TULP4: variants seen among roughly 807,000 people sequenced by gnomAD.
The protein encoded by TULP4 is tubby-related protein 4.
In TULP4, 16 loss-of-function variants were observed where a neutral mutation model predicts 129.0. That is an observed-to-expected ratio of 0.12 (90% CI 0.08 to 0.19). The LOEUF is 0.19. Ranked by LOEUF, TULP4 falls within the 10% of genes least tolerant of loss-of-function variation. The pLI is 1.00. For synonymous variants in TULP4, 998 were observed against 854.0 expected, an observed-to-expected ratio of 1.17 and a Z score of -2.94; for missense variants, 1,842 against 2,059.1, an observed-to-expected ratio of 0.89 and a Z score of 2.04.
chr6:158,343,266 G>A (rs1052367937), intron 1 of TULP4, among the ~76,000 whole-genome samples: 7 of 152,160 alleles, frequency 4.6e-5, no homozygotes, highest in Admixed American at 3.9e-4. Context: ...GGTTGAAACT[G>A]TGTCCAAAAT....
chr6:158,295,759 C>T (rs757971622), intron 1 of TULP4, among the ~76,000 whole-genome samples: 15 of 152,276 alleles, frequency 9.9e-5, no homozygotes, highest in South Asian at 2.1e-4. Context: ...GGCCTGGTGG[C>T]GGATGCCTGT....
intron 1 of TULP4, among the ~76,000 whole-genome samples, chr6:158,235,902 T>C (rs1777684921): frequency 6.6e-6 from 1 of 152,198 alleles, no homozygotes; most frequent in South Asian, 2.1e-4. Context: ...TCGTTATTGT[T>C]TAATGCATAG....
chr6:158,361,407 CA>C (rs1780786025), intron 1 of TULP4, among the ~76,000 whole-genome samples: 1 of 152,200 alleles, frequency 6.6e-6, no homozygotes. Context: ...TTAAAAATAG[CA>C]ATGTGTTGTC....
rs1287063594 is a variant in TULP4 at position 158,416,117 on chromosome 6, ACT to A, written c.381+2927_381+2928del. 5.9e-5 allele frequency among the ~76,000 whole-genome samples: 9 copies of A among 151,926 alleles called. No homozygotes were observed. The South Asian group carries it at 1.5e-3, about 25-fold the overall frequency. The stretch of plus-strand genomic sequence containing the variant: ...ACGGGAGAGAGATGAAGGCTGGAAG[ACT>A]CTGCAAGTCATTCTTCCATCTTCTC... On this transcript the variant is annotated intron_variant, in intron 2 of 13. Coordinates refer to ENST00000367097, the MANE Select transcript of TULP4 (RefSeq NM_020245.5).
chr6:158,469,140 A>G (rs1779616690), intron 6 of TULP4, among the ~76,000 whole-genome samples: 1 of 152,210 alleles, frequency 6.6e-6, no homozygotes, highest in South Asian at 2.1e-4. Flanking sequence ...TTATCTCAGT[A>G]AGACGGAATC....
intron 1 of TULP4, among the ~76,000 whole-genome samples, chr6:158,294,103 C>G (rs1258431132): frequency 6.6e-6 from 1 of 152,206 alleles, no homozygotes; most frequent in East Asian, 1.9e-4. Flanking sequence ...GTGGTTCACT[C>G]CTGTAATCCC....
At chr6:158,395,122 G>A (rs1777674972) in intron 1 of TULP4, among the ~76,000 whole-genome samples, 1 of 152,110 alleles carries the variant, frequency 6.6e-6, no homozygotes, top group African/African-American at 2.4e-5. Context: ...TGAGATTTGG[G>A]CGGGGACACA....
intron 1 of TULP4, among the ~76,000 whole-genome samples, chr6:158,388,322 C>CTTTTTTTTTTTTTTTTTTTTTTT (rs10650311): frequency 1.2e-5 from 1 of 86,262 alleles, no homozygotes; most frequent in Non-Finnish European, 2.0e-5. Flanking sequence ...GCTCGTTTTT[C>CTTTTTTTTTTTTTTTTTTTTTTT]TTTTTTTTTT....
At position 158,510,153 on chromosome 6, in the gene TULP4, T is replaced by A. The variant is rs997890371; in HGVS notation, c.*3459T>A. ...TTGTGTACAATATACCCATTGAATG[T>A]ATATCCTGAGAAAAATTGGGGCCAA... On this transcript the variant is annotated 3_prime_UTR_variant, in exon 14 of 14. Transcript: ENST00000367097. 6.6e-6 allele frequency: 1 copy of A among 152,630 alleles called. No individual in the cohort carries two copies. Among genetic ancestry groups the A allele is most frequent in the African/African-American group, 2.4e-5 (1 of 41,450 alleles). The allele number at this position is 152,630 out of a possible 1,614,324, so 9.5% of individuals were successfully genotyped here.
At chr6:158,335,144 G>A (rs2114729857) in intron 1 of TULP4, among the ~76,000 whole-genome samples, 1 of 152,072 alleles carries the variant, frequency 6.6e-6, no homozygotes, top group South Asian at 2.1e-4. Context: ...GAGTGTGGTG[G>A]CAGGTGCCTG....
intron 1 of TULP4, among the ~76,000 whole-genome samples, chr6:158,375,418 C>T (rs983971588): frequency 5.3e-5 from 8 of 152,168 alleles, no homozygotes; most frequent in Non-Finnish European, 8.8e-5. Context: ...TGGTCTTTCC[C>T]TCAGTGATGG....
intron 1 of TULP4, among the ~76,000 whole-genome samples, chr6:158,235,312 C>A (rs1168167290): frequency 6.6e-6 from 1 of 152,100 alleles, no homozygotes; most frequent in African/African-American, 2.4e-5. Context: ...ACCTGTTAAA[C>A]CCCAACTCTT....
At chr6:158,292,963 G>T (rs1778971041) in intron 1 of TULP4, among the ~76,000 whole-genome samples, 1 of 152,092 alleles carries the variant, frequency 6.6e-6, no homozygotes, top group South Asian at 2.1e-4. Context: ...CCTTTTTAAT[G>T]AAGGCACCTG....
intron 4 of TULP4, among the ~76,000 whole-genome samples, chr6:158,450,324 C>T (rs1023349862): frequency 1.3e-5 from 2 of 152,118 alleles, no homozygotes; most frequent in East Asian, 1.9e-4. Flanking sequence ...AGGGCTGTTC[C>T]GGGGGAAATT....
chr6:158,410,886 A>G (rs2115003552), intron 1 of TULP4, among the ~76,000 whole-genome samples: 1 of 152,264 alleles, frequency 6.6e-6, no homozygotes, highest in Admixed American at 6.5e-5. Context: ...TCTGTGTACA[A>G]AGGACTGTAT....
chr6:158,418,401 T>A (rs1349426327), intron 2 of TULP4, among the ~76,000 whole-genome samples: 4 of 134,058 alleles, frequency 3.0e-5, no homozygotes, highest in Non-Finnish European at 6.2e-5. Context: ...AGCCACCACT[T>A]TTTTTTTTTT....
chr6:158,329,307 G>C (rs568446563), intron 1 of TULP4, among the ~76,000 whole-genome samples: 6 of 152,120 alleles, frequency 3.9e-5, no homozygotes, highest in African/African-American at 7.2e-5. Context: ...TATCCTCCTA[G>C]TCAAGCTCAC....
In TULP4 at chr6:158,506,628, G is replaced by A; in HGVS notation, c.4566G>A (p.Gln1522=). Residue 1522 remains glutamine (Q), a synonymous_variant, in exon 14 of 14, where the codon CAG becomes CAA. Transcript: ENST00000367097. ...IDGSAYILDF[Q]YPFSAVQAFA... ...GCAGTGCGTACATTCTAGACTTCCA[G>A]TATCCGTTCTCAGCCGTGCAGGCCT... 4.3e-6 allele frequency: 7 copies of A among 1,614,136 alleles called. No homozygotes were observed. The highest frequency in any genetic ancestry group is 5.9e-6 in the Non-Finnish European group (7 of 1,179,976).
rs3085241 is a variant in TULP4 at position 158,368,066 on chromosome 6, C to CAAAAAAAAA, written c.253-44985_253-44977dup. Among the ~76,000 whole-genome samples the CAAAAAAAAA allele has an allele frequency of 1.5e-4, 10 of 65,018 alleles. 2 individuals carry two copies. In the South Asian group the frequency reaches 2.1e-3, roughly 13 times the overall value. The allele number at this position is 65,018 out of a possible 152,430, so 42.7% of individuals were successfully genotyped here. A position where few individuals can be genotyped will look rare whatever the true frequency, so the allele number is the denominator to read the frequency against. ...ACTCCAGCCTGGGTGACCCTGTCTCCAAAAAAAAAAAAAAAAAAAAAAGGA... is the reference window on the plus strand; with the variant it reads ...ACTCCAGCCTGGGTGACCCTGTCTCCAAAAAAAAAAAAAAAAAAAAAAAAAAAAAAAGGA... On this transcript the variant is annotated intron_variant, in intron 1 of 13. Transcript: ENST00000367097.
Sources: allele counts gnomAD v4.1 joint callset (sites outside exome capture counted in the v4.1 genomes callset), GRCh38; gene constraint gnomAD v4.1.1; transcripts MANE v1.5; gene names NCBI Gene and HGNC (gene_info 2026-07-23, HGNC 2026-07-21).